The following TTC31 variants were observed in gnomAD, a reference collection of about 807,000 sequenced individuals.
TTC31 encodes the protein tetratricopeptide repeat protein 31.
Under a neutral mutation model 60.4 loss-of-function variants are expected in TTC31, and 59 were observed. The observed-to-expected ratio is 0.98, with a 90% CI of 0.79 to 1.21. TTC31 has a LOEUF of 1.21. TTC31 is among the 50% of genes most tolerant of loss of function. The pLI, the probability that TTC31 is intolerant of heterozygous loss-of-function variation, is 0.00. For synonymous variants in TTC31, 225 were observed against 249.6 expected (o/e 0.90, Z 0.93); for missense variants, 672 against 646.9 (o/e 1.04, Z -0.42).
intron 2 of TTC31, among the ~76,000 whole-genome samples, chr2:74,487,852 G>A (rs1181499667): frequency 1.3e-5 from 2 of 151,478 alleles, no homozygotes; most frequent in Non-Finnish European, 2.9e-5. Flanking sequence ...GCTAATTTTT[G>A]TATCTTTAGT....
intron 2 of TTC31, among the ~76,000 whole-genome samples, chr2:74,484,120 C>T (rs1672798207): frequency 6.6e-6 from 1 of 150,982 alleles, no homozygotes; most frequent in African/African-American, 2.4e-5. Context: ...GCCTGTAATC[C>T]CAGTCACTGG....
chr2:74,491,494 T>C lies in TTC31; in HGVS notation c.698T>C (p.Leu233Pro). 1 of 1,612,010 alleles carries C rather than the reference T, an allele frequency of 6.2e-7. No individual in the cohort carries two copies. The highest frequency in any genetic ancestry group is 8.5e-7 in the Non-Finnish European group (1 of 1,178,782). Residue 233 changes from leucine to proline, a missense_variant, in exon 8 of 13, where the codon CTA (leucine) becomes CCA (proline). By Grantham distance (98) the Leu-to-Pro change is moderately conservative. Transcript: ENST00000233623. ...QCGEEEDSLD[L>P]SSTFVSLALR... ...TTTTGTTCACAGGACTCACTGGATC[T>C]ATCTAGCACTTTTGTGTCTCTGGCT...
At chr2:74,485,014 C>T (rs1451365962) in intron 2 of TTC31, among the ~76,000 whole-genome samples, 1 of 148,684 alleles carries the variant, frequency 6.7e-6, no homozygotes, top group Non-Finnish European at 1.5e-5. Flanking sequence ...TAGTTAGTCA[C>T]TAAAATTTAC....
rs1673130762 is a variant in TTC31 at position 74,486,577 on chromosome 2, G to A, written c.129+3167G>A. 2.6e-5 allele frequency among the ~76,000 whole-genome samples: 4 copies of A among 152,322 alleles called. No homozygotes were observed. In the South Asian group the frequency reaches 8.3e-4, roughly 32 times the overall value. ...AGGAGGATAGGGAGTGCTGAGTGGAGTTGGGAAGTTTCTCCTTCTAAAAGT... is the reference window on the plus strand; with the variant it reads ...AGGAGGATAGGGAGTGCTGAGTGGAATTGGGAAGTTTCTCCTTCTAAAAGT... On this transcript the variant is annotated intron_variant, in intron 2 of 12. Transcript: ENST00000233623.
At position 74,483,114 on chromosome 2, in the gene TTC31, A is replaced by G. The variant is rs749559977; in HGVS notation, c.19A>G (p.Thr7Ala). MAPIPK[T>A]VGRIKLDCSL... ...AGATGCGATGGCGCCGATTCCAAAG[A>G]CTGTGGGGCGGATCAAGCTAGGTGA... Residue 7 changes from threonine to alanine, a missense_variant, in exon 1 of 13, where the codon ACT becomes GCT. Physicochemically the swap from Thr to Ala is moderately conservative, Grantham distance 58 (BLOSUM62 0). Transcript: ENST00000233623. The G allele has an allele frequency of 2.5e-5, 41 of 1,614,030 alleles. No individual in the cohort carries two copies. Among genetic ancestry groups the G allele is most frequent in the Non-Finnish European group, 3.4e-5 (40 of 1,180,030 alleles).
rs762247134 is a variant in TTC31 at position 74,492,289 on chromosome 2, T to C, written c.1020-15T>C. 17 of 1,607,150 alleles carry C rather than the reference T, an allele frequency of 1.1e-5. No individual in the cohort carries two copies. Among genetic ancestry groups the C allele is most frequent in the South Asian group, 4.4e-5 (4 of 90,752 alleles). ...TTGAGGACTCAGACCTTTGGCCACC[T>C]TCTGTCTTTATCAGGTTATTTGGAA... On this transcript the variant is annotated splice_polypyrimidine_tract_variant and intron_variant, in intron 10 of 12. Transcript: ENST00000233623.
At chr2:74,490,505 C>T (rs1335951962) in intron 4 of TTC31, 32 bp downstream of exon 4, 3 of 1,565,424 alleles carry the variant, frequency 1.9e-6, no homozygotes, top group Non-Finnish European at 2.6e-6. Flanking sequence ...TTTGCCGTCC[C>T]CCAGGGTTCT....
intron 5 of TTC31, 79 bp downstream of exon 5, chr2:74,490,818 G>T: frequency 7.0e-7 from 1 of 1,438,240 alleles, no homozygotes; most frequent in Non-Finnish European, 9.5e-7. Context: ...GTGGGAACAG[G>T]AGAGAGCTCA....
At position 74,491,278 on chromosome 2, in the gene TTC31, G is replaced by C; in HGVS notation, c.604-17G>C. The C allele has an allele frequency of 6.2e-7, 1 of 1,614,162 alleles. No homozygotes were observed. The highest frequency in any genetic ancestry group is 2.2e-5 in the East Asian group (1 of 44,880). On this transcript the variant is annotated splice_polypyrimidine_tract_variant and intron_variant, in intron 6 of 12. Coordinates refer to ENST00000233623, the MANE Select transcript of TTC31 (RefSeq NM_022492.6). ...TCAAGGTGATCCCAACTCTGTACCT[G>C]TCTATCTTTCTTCCAGGCCAGCACT...
chr2:74,484,684 C>A (rs1672878966), intron 2 of TTC31, among the ~76,000 whole-genome samples: 2 of 152,198 alleles, frequency 1.3e-5, no homozygotes, highest in South Asian at 4.2e-4. Flanking sequence ...GTCTCGATCT[C>A]TTGACCTCGT....
At position 74,492,722 on chromosome 2, in the gene TTC31, G is replaced by A. The variant is rs377505859; in HGVS notation, c.1238G>A (p.Arg413His). 10 of 1,614,008 alleles carry A rather than the reference G, an allele frequency of 6.2e-6. No individual in the cohort carries two copies. Among genetic ancestry groups the A allele is most frequent in the South Asian group, 3.3e-5 (3 of 91,090 alleles). Residue 413 changes from arginine (R) to histidine (H), a missense_variant, in exon 12 of 13, where the codon CGC becomes CAC. By Grantham distance (29) the Arg-to-His change is conservative. Transcript: ENST00000233623. ...GSQPDAARELRSCLLHLTLQG... is the reference protein window; with the variant it reads ...GSQPDAARELHSCLLHLTLQG... ...CAGCCTGACGCAGCCCGAGAGCTCC[G>A]CTCTTGCCTTCTCCACCTCACACTG... is the stretch of plus-strand genomic sequence containing the variant.
chr2:74,483,146 T>C lies in TTC31; in HGVS notation c.40+11T>C, dbSNP rs767127270. On this transcript the variant is annotated intron_variant, in intron 1 of 12. Coordinates refer to ENST00000233623, the MANE Select transcript of TTC31 (RefSeq NM_022492.6). ...GGCGGATCAAGCTAGGTGAGCGGTA[T>C]GACAAGACCAGTGGGGGTCTAGGAG... is the stretch of plus-strand genomic sequence containing the variant. 1 of 1,614,212 alleles carries C rather than the reference T, an allele frequency of 6.2e-7. No homozygotes were observed. The highest frequency in any genetic ancestry group is 1.1e-5 in the South Asian group (1 of 91,088).
rs1170526953 is a variant in TTC31 at position 74,491,630 on chromosome 2, C to T, written c.834C>T (p.Ser278=). ...AGAAGATGGGTCAAGAGGAAGAGAG[C>T]CCTCCAAGAGAGGAGAGGCCCCAGC... ...ALQKMGQEEE[S]PPREERPQQS... Residue 278 remains serine, a synonymous_variant, in exon 8 of 13, where the codon AGC becomes AGT. Coordinates refer to ENST00000233623, the MANE Select transcript of TTC31 (RefSeq NM_022492.6). 7 of 1,614,166 alleles carry T rather than the reference C, an allele frequency of 4.3e-6. 1 individual carries two copies. In the South Asian group the frequency reaches 7.7e-5, roughly 18 times the overall value.
intron 2 of TTC31, among the ~76,000 whole-genome samples, chr2:74,489,819 G>A (rs1171105118): frequency 6.6e-6 from 1 of 152,182 alleles, no homozygotes; most frequent in Non-Finnish European, 1.5e-5. Context: ...AGGCAGGAAA[G>A]CAGCGAGGGG....
At chr2:74,489,542 T>C (rs1391710152) in intron 2 of TTC31, among the ~76,000 whole-genome samples, 1 of 152,154 alleles carries the variant, frequency 6.6e-6, no homozygotes, top group East Asian at 1.9e-4. Flanking sequence ...AGTAGGGAAG[T>C]AATTTCTTAG....
intron 2 of TTC31, among the ~76,000 whole-genome samples, chr2:74,485,984 AC>A (rs771525365): frequency 1.8e-4 from 27 of 151,590 alleles, no homozygotes; most frequent in Non-Finnish European, 3.2e-4. Context: ...GTCTACACTC[AC>A]GGCCAGGCGC....
intron 2 of TTC31, among the ~76,000 whole-genome samples, chr2:74,486,256 C>T (rs943841381): frequency 2.0e-5 from 3 of 151,122 alleles, no homozygotes; most frequent in African/African-American, 7.3e-5. Context: ...CAGGGTTAGA[C>T]TCCGTCTCAA....
rs1314705817 is a variant in TTC31 at position 74,483,379 on chromosome 2, A to G, written c.98A>G (p.Lys33Arg). 1.2e-6 allele frequency: 2 copies of G among 1,614,144 alleles called. No individual in the cohort carries two copies. Among genetic ancestry groups the G allele is most frequent in the Non-Finnish European group, 8.5e-7 (1 of 1,180,020 alleles). ...GTCGCTGCTGCACCCAAACTTTGCA[A>G]GGAATTCGGTCCAGAGGATTACGGC... Reference protein sequence around the residue: ...LEVAAAPKLCKEFGPEDYGEE... With the variant: ...LEVAAAPKLCREFGPEDYGEE... Residue 33 changes from lysine to arginine, a missense_variant, in exon 2 of 13, where the codon AAG (lysine) becomes AGG (arginine). By Grantham distance (26) the Lys-to-Arg change is conservative. Transcript: ENST00000233623.
At position 74,491,364 on chromosome 2, in the gene TTC31, G is replaced by A; in HGVS notation, c.673G>A (p.Gly225Ser). The change falls in exon 7 of 13, where the codon GGT becomes AGT. Residue 225 changes from glycine to serine, a missense_variant. Physicochemically the swap from Gly to Ser is moderately conservative, Grantham distance 56 (BLOSUM62 0). Transcript: ENST00000233623. ...TGGAAACCCAGTTCAGGGACAGTGT[G>A]GTGAAGAAGAGGTGAGAGCCCCTTT... ...SPGNPVQGQCGEEEDSLDLSS... is the reference protein window; with the variant it reads ...SPGNPVQGQCSEEEDSLDLSS... 6.2e-7 allele frequency: 1 copy of A among 1,614,202 alleles called. No individual in the cohort carries two copies. Among genetic ancestry groups the A allele is most frequent in the South Asian group, 1.1e-5 (1 of 91,084 alleles).
Sources: gnomAD v4.1 joint callset for allele counts (sites outside exome capture counted in the v4.1 genomes callset) on GRCh38, gnomAD v4.1.1 for gene constraint, MANE v1.5 for transcripts, NCBI Gene and HGNC (gene_info 2026-07-23, HGNC 2026-07-21) for gene names.